The following PRICKLE2 variants were observed in gnomAD, a reference collection of about 807,000 sequenced individuals.
PRICKLE2 encodes prickle planar cell polarity protein 2.
In PRICKLE2, 21 loss-of-function variants were observed where a neutral mutation model predicts 81.4. The ratio of observed to expected loss-of-function variants is 0.26; its 90% confidence interval spans 0.18 to 0.37. PRICKLE2 has a LOEUF of 0.37. Among genes scored for constraint, PRICKLE2 ranks in the 10% least tolerant of loss-of-function variants. PRICKLE2 has a pLI of 1.00. For missense variants in PRICKLE2, 940 were observed against 1,109.0 expected, an observed-to-expected ratio of 0.85 and a Z score of 2.16; for synonymous variants, 456 against 421.5, an observed-to-expected ratio of 1.08 and a Z score of -1.00.
intron 2 of PRICKLE2, among the ~76,000 whole-genome samples, chr3:64,252,980 T>C (rs147803939): frequency 6.6e-6 from 1 of 152,200 alleles, no homozygotes; most frequent in Admixed American, 6.5e-5. Context: ...ATAATTTGCA[T>C]ACCATTGGAT....
chr3:64,115,692 C>G (rs1384961873), intron 7 of PRICKLE2, among the ~76,000 whole-genome samples: 1 of 152,102 alleles, frequency 6.6e-6, no homozygotes, highest in Non-Finnish European at 1.5e-5. Context: ...CACCCAGATT[C>G]AAAAAGCAAG....
At chr3:64,103,371 G>A (rs1414690171) in intron 7 of PRICKLE2, 1 of 152,168 alleles carries the variant, frequency 6.6e-6, no homozygotes, top group Non-Finnish European at 1.5e-5. Flanking sequence ...ACACAATAAT[G>A]AGAACGAATA....
intron 1 of PRICKLE2, among the ~76,000 whole-genome samples, chr3:64,206,361 A>C (rs17070141): frequency 0.027 from 4,169 of 152,262 alleles, 176 homozygotes; most frequent in African/African-American, 0.091. Flanking sequence ...TACCAATATA[A>C]TCGATGGTCT....
At chr3:64,242,180 A>G (rs1446652780) in intron 2 of PRICKLE2, among the ~76,000 whole-genome samples, 4 of 152,060 alleles carry the variant, frequency 2.6e-5, no homozygotes, top group African/African-American at 9.7e-5. Context: ...TTCTGTCCCC[A>G]CACTACCGCA....
At chr3:64,123,561 T>C (rs754317553) in intron 7 of PRICKLE2, among the ~76,000 whole-genome samples, 24 of 152,254 alleles carry the variant, frequency 1.6e-4, no homozygotes, top group Non-Finnish European at 3.1e-4. Context: ...CAATCCTTCA[T>C]TAGGCAAGAC....
At chr3:64,208,500 C>G (rs2078729308) in intron 1 of PRICKLE2, among the ~76,000 whole-genome samples, 1 of 152,072 alleles carries the variant, frequency 6.6e-6, no homozygotes, top group Admixed American at 6.6e-5. Context: ...TGGGAATGTT[C>G]CAAGAGGTAA....
At chr3:64,150,720 C>T (rs188187987) in intron 6 of PRICKLE2, among the ~76,000 whole-genome samples, 187 of 152,312 alleles carry the variant, frequency 1.2e-3, no homozygotes, top group African/African-American at 4.0e-3. Context: ...TGTCTGCCAC[C>T]AGCTGCTTCT....
At chr3:64,248,172 G>A (rs900583034) in intron 2 of PRICKLE2, among the ~76,000 whole-genome samples, 9 of 152,172 alleles carry the variant, frequency 5.9e-5, no homozygotes, top group Admixed American at 2.0e-4. Context: ...TTCACTCAAC[G>A]TTAGTTAATT....
chr3:64,201,017 C>A (rs1490150442), intron 1 of PRICKLE2: 2 of 151,554 alleles, frequency 1.3e-5, no homozygotes, highest in Non-Finnish European at 2.9e-5. Context: ...GCAAGCTCCA[C>A]CTCCTGGGTT....
chr3:64,160,815 T>C (rs1410180264), intron 3 of PRICKLE2, among the ~76,000 whole-genome samples: 2 of 152,248 alleles, frequency 1.3e-5, no homozygotes, highest in Non-Finnish European at 2.9e-5. Context: ...ACCTTGGGAA[T>C]TGTGCTATAT....
intron 2 of PRICKLE2, among the ~76,000 whole-genome samples, chr3:64,236,542 C>G (rs972721223): frequency 6.6e-6 from 1 of 152,192 alleles, no homozygotes; most frequent in African/African-American, 2.4e-5. Context: ...GCTTACATAT[C>G]CCTCAAACCA....
intron 2 of PRICKLE2, among the ~76,000 whole-genome samples, chr3:64,189,985 C>T (rs2078302877): frequency 6.6e-6 from 1 of 152,182 alleles, no homozygotes; most frequent in Admixed American, 6.5e-5. Flanking sequence ...GATGTCTTGG[C>T]AAGCACCGAG....
intron 2 of PRICKLE2, among the ~76,000 whole-genome samples, chr3:64,234,815 T>C (rs2079157304): frequency 1.3e-5 from 2 of 152,210 alleles, no homozygotes; most frequent in South Asian, 2.1e-4. Flanking sequence ...GATTTTCTTT[T>C]TGTCTTTCAA....
intron 4 of PRICKLE2, among the ~76,000 whole-genome samples, chr3:64,159,231 A>G (rs1411194928): frequency 1.3e-5 from 2 of 152,136 alleles, no homozygotes; most frequent in Non-Finnish European, 2.9e-5. Context: ...GCTCCTGTCA[A>G]CATGACTCGG....
chr3:64,264,845 G>A (rs2079673789), intron 2 of PRICKLE2, among the ~76,000 whole-genome samples: 1 of 152,184 alleles, frequency 6.6e-6, no homozygotes. Context: ...ATCTTGCCTG[G>A]GAAGATGCTT....
Position 64,146,873 on chromosome 3 carries a change from G to C in PRICKLE2, c.1617C>G (p.Thr539=), listed in dbSNP as rs1184465306. 1.9e-6 allele frequency: 3 copies of C among 1,614,118 alleles called. No homozygotes were observed. In the Admixed American group the frequency reaches 5.0e-5, roughly 27 times the overall value. The change falls in exon 7 of 8, where the codon ACC becomes ACG. Residue 539 remains threonine (T), a synonymous_variant. Transcript: ENST00000638394. ...YTEDMTPTEQ[T]PRGSMESLAL... is the part of the protein sequence containing the mutation. ...CCAGGGATTCCATGGAGCCCCGAGG[G>C]GTCTGCTCTGTGGGCGTCATGTCCT...
intron 7 of PRICKLE2, among the ~76,000 whole-genome samples, chr3:64,127,628 C>A (rs1350882325): frequency 6.6e-6 from 1 of 152,062 alleles, no homozygotes; most frequent in Non-Finnish European, 1.5e-5. Context: ...AAGGTCTCAG[C>A]TGGGGAGCTC....
In PRICKLE2 at chr3:64,153,183, T is replaced by A; in HGVS notation, c.786A>T (p.Ile262=). ...AEYCDTCAQH[I]GIDQGQMTYD... ...GCTGACTGCCAAATATTGCCTCACCTATATGTTGGGCACAGGTGTCACAAT... is the reference window on the plus strand; with the variant it reads ...GCTGACTGCCAAATATTGCCTCACCAATATGTTGGGCACAGGTGTCACAAT... The change falls in exon 6 of 8, where the codon ATA becomes ATT. Residue 262 remains isoleucine (I), a splice_region_variant and synonymous_variant. Coordinates refer to ENST00000638394, the MANE Select transcript of PRICKLE2 (RefSeq NM_198859.4). The A allele has an allele frequency of 6.2e-7, 1 of 1,614,142 alleles. No individual in the cohort carries two copies. Among genetic ancestry groups the A allele is most frequent in the Non-Finnish European group, 8.5e-7 (1 of 1,179,964 alleles).
intron 5 of PRICKLE2, 197 bp from the exon 6 acceptor site, chr3:64,153,565 T>C (rs2077579508): frequency 1.7e-6 from 1 of 580,326 alleles, no homozygotes; most frequent in African/African-American, 1.9e-5. Context: ...TAAAGCATAA[T>C]TAAACATGAT....
Sources: gnomAD v4.1 joint callset for allele counts (sites outside exome capture counted in the v4.1 genomes callset) on GRCh38, gnomAD v4.1.1 for gene constraint, MANE v1.5 for transcripts, NCBI Gene and HGNC (gene_info 2026-07-23, HGNC 2026-07-21) for gene names.